Variants in GFOD1 observed in about 807,000 individuals in gnomAD.
The protein encoded by GFOD1 is Gfo/Idh/MocA-like oxidoreductase domain containing 1, also known as glucose-fructose oxidoreductase domain-containing protein 1.
A neutral mutation model predicts 25.4 loss-of-function variants in GFOD1; 9 were observed. The observed-to-expected ratio is 0.35, with a 90% CI of 0.21 to 0.62. The LOEUF is 0.62. Among genes scored for constraint, GFOD1 ranks in the 20% least tolerant of loss-of-function variants. GFOD1 has a pLI of 0.72. For missense variants in GFOD1, 403 were observed against 556.9 expected (o/e 0.72, Z 2.78); for synonymous variants, 253 against 245.6 (o/e 1.03, Z -0.28).
intron 1 of GFOD1, among the ~76,000 whole-genome samples, chr6:13,376,102 C>G (rs567505927): frequency 6.6e-6 from 1 of 152,186 alleles, no homozygotes; most frequent in Non-Finnish European, 1.5e-5. Context: ...ACCAAGAGAC[C>G]TTCCAAGCTA....
At chr6:13,469,643 T>A (rs1055712800) in intron 1 of GFOD1, 1 of 1,153,528 alleles carries the variant, frequency 8.7e-7, no homozygotes, top group Non-Finnish European at 1.1e-6. Flanking sequence ...TTTCACATAA[T>A]CTAAGACACT....
At chr6:13,413,092 A>G (rs557838145) in intron 1 of GFOD1, among the ~76,000 whole-genome samples, 2 of 152,210 alleles carry the variant, frequency 1.3e-5, no homozygotes, top group African/African-American at 4.8e-5. Context: ...CTTTGCCAAC[A>G]TGTTCCGCTG....
intron 1 of GFOD1, among the ~76,000 whole-genome samples, chr6:13,403,151 A>C (rs1785881416): frequency 7.1e-6 from 1 of 141,172 alleles, no homozygotes; most frequent in Admixed American, 7.3e-5. Context: ...TTTGAGACGG[A>C]GTCTCGCTCT....
chr6:13,398,201 T>C (rs534555671), intron 1 of GFOD1, among the ~76,000 whole-genome samples: 1 of 152,346 alleles, frequency 6.6e-6, no homozygotes, highest in African/African-American at 2.4e-5. Flanking sequence ...TATTACCTCA[T>C]AGGGCTGTTC....
chr6:13,446,182 T>C (rs1757999250), intron 1 of GFOD1, among the ~76,000 whole-genome samples: 1 of 152,194 alleles, frequency 6.6e-6, no homozygotes, highest in Non-Finnish European at 1.5e-5. Context: ...GCTGCAGCTC[T>C]GGGGATTCTA....
chr6:13,486,571 G>A, intron 1 of GFOD1, 67 bp downstream of exon 1: 1 of 1,346,652 alleles, frequency 7.4e-7, no homozygotes. Context: ...AAAGGCAGGG[G>A]GGAAGGAACC....
At chr6:13,382,816 C>T (rs1785393408) in intron 1 of GFOD1, among the ~76,000 whole-genome samples, 2 of 152,142 alleles carry the variant, frequency 1.3e-5, no homozygotes, top group Admixed American at 6.5e-5. Flanking sequence ...TGCTCTCCCT[C>T]CCCCAACCCT....
intron 1 of GFOD1, among the ~76,000 whole-genome samples, chr6:13,475,976 C>T (rs367770030): frequency 1.3e-5 from 2 of 152,192 alleles, no homozygotes; most frequent in East Asian, 3.9e-4. Context: ...AATTAGAACT[C>T]TCCTATGTTG....
intron 1 of GFOD1, among the ~76,000 whole-genome samples, chr6:13,411,183 G>A (rs1255865721): frequency 1.3e-5 from 2 of 152,226 alleles, no homozygotes; most frequent in Non-Finnish European, 2.9e-5. Context: ...GAACAGAGAA[G>A]CCAGCTGTGA....
chr6:13,458,892 T>A (rs981901012), intron 1 of GFOD1, among the ~76,000 whole-genome samples: 1 of 150,396 alleles, frequency 6.6e-6, no homozygotes, highest in African/African-American at 2.4e-5. Flanking sequence ...AACTGATAGA[T>A]AATGCCTGTG....
chr6:13,401,317 G>A (rs1383429080), intron 1 of GFOD1, among the ~76,000 whole-genome samples: 1 of 152,132 alleles, frequency 6.6e-6, no homozygotes, highest in Non-Finnish European at 1.5e-5. Context: ...ACATTTTATA[G>A]ATAATCCAGG....
intron 1 of GFOD1, among the ~76,000 whole-genome samples, chr6:13,411,886 T>C (rs896695422): frequency 1.3e-4 from 20 of 152,220 alleles, no homozygotes; most frequent in African/African-American, 4.1e-4. Flanking sequence ...AGCACGAGCT[T>C]TGGAATGGGA....
intron 1 of GFOD1, among the ~76,000 whole-genome samples, chr6:13,433,121 T>C (rs911651832): frequency 1.3e-5 from 2 of 150,066 alleles, no homozygotes; most frequent in Admixed American, 6.6e-5. Context: ...TGGGTCCCTT[T>C]TTTTTTTTTT....
intron 1 of GFOD1, among the ~76,000 whole-genome samples, chr6:13,385,733 T>C (rs1408433413): frequency 6.6e-6 from 1 of 152,146 alleles, no homozygotes; most frequent in East Asian, 1.9e-4. Context: ...AAGTGAGGTA[T>C]AGGTAAAATA....
At chr6:13,463,571 A>C (rs2127575881) in intron 1 of GFOD1, among the ~76,000 whole-genome samples, 1 of 152,304 alleles carries the variant, frequency 6.6e-6, no homozygotes, top group Middle Eastern at 3.4e-3. Flanking sequence ...TTTAACCCAC[A>C]GTTATCCGTC....
intron 1 of GFOD1, among the ~76,000 whole-genome samples, chr6:13,392,971 A>C (rs1398366732): frequency 6.6e-6 from 1 of 151,848 alleles, no homozygotes; most frequent in African/African-American, 2.4e-5. Context: ...CTGAGGCAGG[A>C]GGATTGCTTG....
rs1334997095 is a variant in GFOD1, at chr6:13,481,016, G to T, written c.253+5622C>A. ...ACTAGGTGACTAAGTGTCTGGCACT[G>T]TCTAAGGGAGATAAGGGTACCCTGG... On this transcript the variant is annotated intron_variant, in intron 1 of 1. Coordinates refer to ENST00000379287, the MANE Select transcript of GFOD1 (RefSeq NM_018988.4). Among the ~76,000 whole-genome samples the T allele has an allele frequency of 2.0e-5, 3 of 152,220 alleles. No individual in the cohort carries two copies. The South Asian group carries it at 6.2e-4, about 32-fold the overall frequency.
intron 1 of GFOD1, among the ~76,000 whole-genome samples, chr6:13,377,708 G>T (rs1330368893): frequency 2.6e-5 from 4 of 152,138 alleles, no homozygotes; most frequent in Non-Finnish European, 5.9e-5. Context: ...GGTCCTCTTA[G>T]AATTCTACCT....
intron 1 of GFOD1, among the ~76,000 whole-genome samples, chr6:13,461,638 G>C (rs1678806529): frequency 6.6e-6 from 1 of 152,164 alleles, no homozygotes; most frequent in Admixed American, 6.5e-5. Context: ...AGCTGCATCT[G>C]TGAGTGGTGT....
Sources: allele counts gnomAD v4.1 joint callset (sites outside exome capture counted in the v4.1 genomes callset), GRCh38; gene constraint gnomAD v4.1.1; transcripts MANE v1.5; gene names NCBI Gene and HGNC (gene_info 2026-07-23, HGNC 2026-07-21).